The following AGTR1 variants were observed in gnomAD, a reference collection of about 807,000 sequenced individuals.
The protein encoded by AGTR1 is angiotensin II receptor type 1.
AGTR1 carries 16 observed loss-of-function variants against 19.4 expected under a neutral mutation model. That is an observed-to-expected ratio of 0.82 (90% CI 0.56 to 1.25). The LOEUF is 1.25. Among genes scored for constraint, AGTR1 ranks in the 50% most tolerant of loss-of-function variants. The pLI, the probability that AGTR1 is intolerant of heterozygous loss-of-function variation, is 0.00. For synonymous variants in AGTR1, 153 were observed against 154.9 expected, an observed-to-expected ratio of 0.99 and a Z score of 0.09; for missense variants, 373 against 431.9, an observed-to-expected ratio of 0.86 and a Z score of 1.21.
chr3:148,704,971 C>A (rs1678295107), intron 1 of AGTR1, among the ~76,000 whole-genome samples: 1 of 152,164 alleles, frequency 6.6e-6, no homozygotes, highest in Non-Finnish European at 1.5e-5. Context: ...AGGGCAAAAT[C>A]AATCCAGGGC....
intron 2 of AGTR1, among the ~76,000 whole-genome samples, chr3:148,726,174 T>C (rs972563587): frequency 6.6e-6 from 1 of 152,018 alleles, no homozygotes; most frequent in African/African-American, 2.4e-5. Context: ...ATTCTAGTTC[T>C]AAGTTTCTTT....
chr3:148,706,750 G>A (rs1321331188), intron 1 of AGTR1, among the ~76,000 whole-genome samples: 1 of 151,840 alleles, frequency 6.6e-6, no homozygotes, highest in African/African-American at 2.4e-5. Context: ...ATGAAAAGAA[G>A]TTCAACCTCA....
At position 148,741,243 on chromosome 3, in the gene AGTR1, T is replaced by A. The variant is rs753149496; in HGVS notation, c.208T>A (p.Leu70Ile). The A allele has an allele frequency of 3.2e-5, 52 of 1,613,952 alleles. No individual in the cohort carries two copies. The highest frequency in any genetic ancestry group is 6.7e-5 in the Admixed American group (4 of 60,002). The change falls in exon 3 of 3, where the codon TTA (leucine) becomes ATA (isoleucine). Residue 70 changes from leucine to isoleucine, a missense_variant. Transcript: ENST00000349243. ...TGTGGCCAGTGTTTTTCTTTTGAAT[T>A]TAGCACTGGCTGACTTATGCTTTTT... ...KTVASVFLLNLALADLCFLLT... is the reference protein window; with the variant it reads ...KTVASVFLLNIALADLCFLLT...
intron 2 of AGTR1, among the ~76,000 whole-genome samples, chr3:148,717,937 A>G (rs943972086): frequency 6.6e-6 from 1 of 152,228 alleles, no homozygotes; most frequent in Admixed American, 6.5e-5. Context: ...CTGCAAATAC[A>G]TAGAAAACAA....
chr3:148,724,101 C>T (rs571490491), intron 2 of AGTR1, among the ~76,000 whole-genome samples: 36 of 152,190 alleles, frequency 2.4e-4, no homozygotes, highest in African/African-American at 8.4e-4. Context: ...GGATCTTTCA[C>T]ATGAAATTTG....
At chr3:148,709,907 G>T (rs1337426589) in intron 2 of AGTR1, among the ~76,000 whole-genome samples, 1 of 152,102 alleles carries the variant, frequency 6.6e-6, no homozygotes, top group East Asian at 1.9e-4. Context: ...AATAAATAAA[G>T]AACCGTATTC....
chr3:148,729,838 G>T (rs1714154035), intron 2 of AGTR1, among the ~76,000 whole-genome samples: 1 of 152,124 alleles, frequency 6.6e-6, no homozygotes, highest in Admixed American at 6.5e-5. Flanking sequence ...AAACAGTCTG[G>T]TCCAAGCAGC....
At chr3:148,701,675 T>A (rs1712351540) in intron 1 of AGTR1, among the ~76,000 whole-genome samples, 1 of 152,186 alleles carries the variant, frequency 6.6e-6, no homozygotes, top group South Asian at 2.1e-4. Flanking sequence ...CACATGTAAT[T>A]TTTTTAACAT....
chr3:148,698,500 G>A (rs1027194751), intron 1 of AGTR1, among the ~76,000 whole-genome samples: 6 of 152,112 alleles, frequency 3.9e-5, no homozygotes, highest in African/African-American at 1.4e-4. Context: ...GCGGGAAGCC[G>A]GTATGACTCT....
intron 2 of AGTR1, among the ~76,000 whole-genome samples, chr3:148,732,962 G>T (rs1186416282): frequency 6.6e-6 from 1 of 151,442 alleles, no homozygotes; most frequent in Admixed American, 6.6e-5. Context: ...GGATGGTCTC[G>T]ATCTCCTGAC....
At position 148,742,020 on chromosome 3, in the gene AGTR1, A is replaced by C. The variant is rs1714938572; in HGVS notation, c.985A>C (p.Asn329His). 6.2e-7 allele frequency: 1 copy of C among 1,613,934 alleles called. No individual in the cohort carries two copies. Among genetic ancestry groups the C allele is most frequent in the African/African-American group, 1.3e-5 (1 of 74,986 alleles). ...TCCCCCAAAAGCCAAATCCCACTCA[A>C]ACCTTTCAACAAAAATGAGCACGCT... ...YIPPKAKSHS[N>H]LSTKMSTLSY... The change falls in exon 3 of 3, where the codon AAC (asparagine) becomes CAC (histidine). Residue 329 changes from asparagine (N) to histidine (H), a missense_variant. Coordinates refer to ENST00000349243, the MANE Select transcript of AGTR1 (RefSeq NM_000685.5).
intron 2 of AGTR1, among the ~76,000 whole-genome samples, chr3:148,734,371 A>C (rs1397055743): frequency 2.0e-5 from 3 of 152,196 alleles, no homozygotes; most frequent in Non-Finnish European, 1.5e-5. Flanking sequence ...GGAACATTTA[A>C]CCACTGTCAC....
At chr3:148,711,717 A>G (rs1171978493) in intron 2 of AGTR1, among the ~76,000 whole-genome samples, 2 of 152,176 alleles carry the variant, frequency 1.3e-5, no homozygotes, top group Non-Finnish European at 2.9e-5. Flanking sequence ...AATTTAAATT[A>G]GATTTAAATA....
intron 1 of AGTR1, among the ~76,000 whole-genome samples, chr3:148,702,998 C>T (rs1233619848): frequency 6.6e-6 from 1 of 152,004 alleles, no homozygotes; most frequent in Admixed American, 6.6e-5. Flanking sequence ...TTTCAGTCTA[C>T]AGCAGCAATG....
intron 2 of AGTR1, among the ~76,000 whole-genome samples, chr3:148,709,583 A>C (rs1712867933): frequency 6.6e-6 from 1 of 152,194 alleles, no homozygotes; most frequent in African/African-American, 2.4e-5. Flanking sequence ...TGTTTGTCAA[A>C]GAACTGATGT....
intron 2 of AGTR1, among the ~76,000 whole-genome samples, chr3:148,732,764 G>T (rs1167510836): frequency 8.5e-6 from 1 of 117,060 alleles, no homozygotes. Context: ...TTTTTGAGAC[G>T]GAGTCTCGCT....
chr3:148,713,366 G>T (rs1713112697), intron 2 of AGTR1, among the ~76,000 whole-genome samples: 2 of 151,954 alleles, frequency 1.3e-5, no homozygotes, highest in South Asian at 4.2e-4. Flanking sequence ...AAGTAATTCT[G>T]CAATCTTCCT....
At chr3:148,707,304 A>G (rs2640541) in intron 1 of AGTR1, among the ~76,000 whole-genome samples, 132,272 of 152,138 alleles carry the variant, frequency 0.87, 57,938 homozygotes, top group African/African-American at 0.97. Context: ...GCATGTGTAT[A>G]CAAGTCCTAG....
intron 2 of AGTR1, chr3:148,740,042 A>G: frequency 8.9e-7 from 1 of 1,127,614 alleles, no homozygotes; most frequent in Admixed American, 4.2e-5. Context: ...TTGATTTTCT[A>G]AATCACATAA....
Sources: allele counts gnomAD v4.1 joint callset (sites outside exome capture counted in the v4.1 genomes callset), GRCh38; gene constraint gnomAD v4.1.1; transcripts MANE v1.5; gene names NCBI Gene and HGNC (gene_info 2026-07-23, HGNC 2026-07-21).